ARFIP1: variants seen among roughly 807,000 people sequenced by gnomAD.
The protein encoded by ARFIP1 is ARF interacting protein 1, also known as arfaptin-1.
ARFIP1 carries 24 observed loss-of-function variants against 42.5 expected under a neutral mutation model. The ratio of observed to expected loss-of-function variants is 0.57; its 90% CI spans 0.41 to 0.80. The LOEUF is 0.80. Among genes scored for constraint, ARFIP1 ranks in the 30% least tolerant of loss-of-function variants. The probability of loss-of-function intolerance (pLI) is 0.00; values close to 1 mark genes in which losing one functional copy is unlikely to be tolerated. For synonymous variants in ARFIP1, 141 were observed against 153.7 expected, an observed-to-expected ratio of 0.92 and a Z score of 0.61; for missense variants, 354 against 434.0, an observed-to-expected ratio of 0.82 and a Z score of 1.64.
chr4:152,785,668 C>G (rs1730760424), intron 1 of ARFIP1, among the ~76,000 whole-genome samples: 1 of 152,164 alleles, frequency 6.6e-6, no homozygotes, highest in South Asian at 2.1e-4. Context: ...GATGTTTTTT[C>G]TATTCCTCTA....
intron 1 of ARFIP1, among the ~76,000 whole-genome samples, chr4:152,783,595 T>C (rs767765974): frequency 6.6e-6 from 1 of 152,228 alleles, no homozygotes; most frequent in Non-Finnish European, 1.5e-5. Context: ...CCACCTACGT[T>C]GTCTGACTCT....
At chr4:152,828,670 G>A (rs947818215) in intron 1 of ARFIP1, among the ~76,000 whole-genome samples, 2 of 152,130 alleles carry the variant, frequency 1.3e-5, no homozygotes, top group Non-Finnish European at 2.9e-5. Context: ...CCAGTCCGTG[G>A]CTTGTCTTCT....
At chr4:152,835,218 CT>C (rs1280733056) in intron 2 of ARFIP1, among the ~76,000 whole-genome samples, 1 of 152,248 alleles carries the variant, frequency 6.6e-6, no homozygotes, top group Non-Finnish European at 1.5e-5. Flanking sequence ...ATTTTCCAAA[CT>C]TTTATGCTCT....
chr4:152,872,785 T>G (rs1260986797), intron 5 of ARFIP1, among the ~76,000 whole-genome samples: 1 of 152,194 alleles, frequency 6.6e-6, no homozygotes, highest in Non-Finnish European at 1.5e-5. Flanking sequence ...ATTAAAATGC[T>G]TATTAACCGA....
chr4:152,833,457 A>G (rs1273225370), intron 2 of ARFIP1, among the ~76,000 whole-genome samples: 2 of 152,176 alleles, frequency 1.3e-5, no homozygotes, highest in Admixed American at 6.5e-5. Flanking sequence ...CAGTATGGCA[A>G]TTTCTTAAAA....
At chr4:152,839,788 G>GTTTTGAATGA (rs1217782391) in intron 2 of ARFIP1, among the ~76,000 whole-genome samples, 188 of 152,034 alleles carry the variant, frequency 1.2e-3, no homozygotes, top group African/African-American at 4.4e-3. Context: ...ATTTCATTTA[G>GTTTTGAATGA]TTCTGCTCTG....
intron 2 of ARFIP1, among the ~76,000 whole-genome samples, chr4:152,849,715 A>G (rs1457656751): frequency 6.6e-6 from 1 of 152,130 alleles, no homozygotes; most frequent in East Asian, 1.9e-4. Flanking sequence ...AAATCAATAA[A>G]AATGTTAGAT....
intron 2 of ARFIP1, among the ~76,000 whole-genome samples, chr4:152,836,135 G>A (rs76036840): frequency 0.011 from 1,706 of 152,260 alleles, 43 homozygotes; most frequent in African/African-American, 0.038. Context: ...GAAGAGGTGC[G>A]GGAGGAAGAT....
At chr4:152,847,875 G>C (rs1732689061) in intron 2 of ARFIP1, among the ~76,000 whole-genome samples, 1 of 152,136 alleles carries the variant, frequency 6.6e-6, no homozygotes, top group African/African-American at 2.4e-5. Context: ...TTTTCCCGTG[G>C]AAGGCCCAAA....
chr4:152,796,254 G>C (rs1561102289), intron 1 of ARFIP1: 1 of 1,028,954 alleles, frequency 9.7e-7, no homozygotes, highest in Non-Finnish European at 1.5e-6. Context: ...TTTACACCAA[G>C]TATTGGTAGG....
intron 7 of ARFIP1, 28 bp from the exon 8 acceptor site, chr4:152,888,105 T>C: frequency 6.4e-7 from 1 of 1,570,072 alleles, no homozygotes; most frequent in South Asian, 1.2e-5. Flanking sequence ...GTTCTTGTAG[T>C]ATGCTTCACT....
intron 1 of ARFIP1, among the ~76,000 whole-genome samples, chr4:152,799,497 A>G (rs1316750358): frequency 6.6e-6 from 1 of 152,228 alleles, no homozygotes; most frequent in Non-Finnish European, 1.5e-5. Context: ...GTTTTAATGT[A>G]GGATTTAGAG....
intron 2 of ARFIP1, among the ~76,000 whole-genome samples, chr4:152,842,376 C>G (rs764665957): frequency 3.3e-5 from 5 of 151,002 alleles, no homozygotes; most frequent in Non-Finnish European, 1.5e-5. Flanking sequence ...CTTTGGATAA[C>G]CCGATGACAT....
At position 152,863,660 on chromosome 4, in the gene ARFIP1, T is replaced by A. The variant is rs1310932108; in HGVS notation, c.148T>A (p.Ser50Thr). Reference sequence around the variant, plus strand: ...TGGTCTCTCAGAAACCCAAATTACATCTCATGGCTTTGACAATACCAAAGA... The same window carrying A: ...TGGTCTCTCAGAAACCCAAATTACAACTCATGGCTTTGACAATACCAAAGA... ...GLGLSETQIT[S>T]HGFDNTKEGV... Residue 50 changes from serine to threonine, a missense_variant, in exon 3 of 9, where the codon TCT (serine) becomes ACT (threonine). Physicochemically the swap from Ser to Thr is moderately conservative, Grantham distance 58. Transcript: ENST00000353617. 6.2e-6 allele frequency: 10 copies of A among 1,611,482 alleles called. No homozygotes were observed. The highest frequency in any genetic ancestry group is 8.5e-6 in the Non-Finnish European group (10 of 1,177,994).
chr4:152,852,170 T>C (rs1367993572), intron 2 of ARFIP1, among the ~76,000 whole-genome samples: 1 of 152,208 alleles, frequency 6.6e-6, no homozygotes, highest in Non-Finnish European at 1.5e-5. Flanking sequence ...AACTTTGAAT[T>C]GAATGTCAGC....
In ARFIP1 at chr4:152,797,946, G is replaced by T. The variant is rs114896999; in HGVS notation, c.-10+17720G>T. 8.0e-3 allele frequency among the ~76,000 whole-genome samples: 1,223 copies of T among 152,118 alleles called. 14 individuals carry two copies. The highest frequency in any genetic ancestry group is 0.027 in the African/African-American group (1,135 of 41,490). ...TTAACTAGTTGATTTGGCTAATACC[G>T]CTGGTATGATGTTGAATAATAGTAG... is the stretch of plus-strand genomic sequence containing the variant. On this transcript the variant is annotated intron_variant, in intron 1 of 8. Transcript: ENST00000353617.
chr4:152,849,240 G>A (rs1476988285), intron 2 of ARFIP1, among the ~76,000 whole-genome samples: 1 of 150,918 alleles, frequency 6.6e-6, no homozygotes, highest in Non-Finnish European at 1.5e-5. Context: ...CTGAGAGTGT[G>A]CCCTTATTTA....
chr4:152,904,274 CT>C (rs1296937936), intron 8 of ARFIP1, among the ~76,000 whole-genome samples: 20 of 150,876 alleles, frequency 1.3e-4, no homozygotes, highest in African/African-American at 4.9e-4. Flanking sequence ...CACTGCAACC[CT>C]CCGCCTCCAT....
intron 8 of ARFIP1, among the ~76,000 whole-genome samples, chr4:152,891,396 G>A (rs56738224): frequency 1.3e-4 from 20 of 151,914 alleles, no homozygotes; most frequent in South Asian, 4.1e-4. Context: ...AAGTATTGTC[G>A]GACTGTTCTT....
Sources: gnomAD v4.1 joint callset for allele counts (sites outside exome capture counted in the v4.1 genomes callset) on GRCh38, gnomAD v4.1.1 for gene constraint, MANE v1.5 for transcripts, NCBI Gene and HGNC (gene_info 2026-07-23, HGNC 2026-07-21) for gene names.